Variants in PLCH1 observed in about 807,000 individuals in gnomAD.
The protein encoded by PLCH1 is 1-phosphatidylinositol 4,5-bisphosphate phosphodiesterase eta-1.
A neutral mutation model predicts 126.7 loss-of-function variants in PLCH1; 60 were observed. That is an observed-to-expected ratio of 0.47 (90% CI 0.38 to 0.59). PLCH1 has a LOEUF of 0.59. Among genes scored for constraint, PLCH1 ranks in the 20% least tolerant of loss-of-function variants. PLCH1 has a pLI of 0.00. For missense variants in PLCH1, 1,723 were observed against 2,040.0 expected (o/e 0.84, Z 2.99); for synonymous variants, 719 against 734.9 (o/e 0.98, Z 0.35).
chr3:155,458,645 A>T (rs1712592692), intron 21 of PLCH1, among the ~76,000 whole-genome samples: 1 of 152,182 alleles, frequency 6.6e-6, no homozygotes, highest in African/African-American at 2.4e-5. Context: ...GTAAACTGGA[A>T]ATGTGGACTT....
chr3:155,470,445 T>A (rs1278830701), intron 21 of PLCH1, among the ~76,000 whole-genome samples: 1 of 152,084 alleles, frequency 6.6e-6, no homozygotes, highest in Non-Finnish European at 1.5e-5. Flanking sequence ...CAAATCTACA[T>A]CTGATTGGTG....
intron 12 of PLCH1, among the ~76,000 whole-genome samples, chr3:155,505,091 A>AAG (rs1404028838): frequency 7.9e-5 from 12 of 152,248 alleles, no homozygotes; most frequent in Non-Finnish European, 1.6e-4. Flanking sequence ...ACATTGACTA[A>AAG]ACAGTGCTAT....
intron 21 of PLCH1, among the ~76,000 whole-genome samples, chr3:155,462,190 G>A (rs1712752444): frequency 6.6e-6 from 1 of 152,138 alleles, no homozygotes; most frequent in African/African-American, 2.4e-5. Flanking sequence ...TGAGAGGTTG[G>A]GGTTGTTGCT....
At chr3:155,736,237 C>A (rs1749168381) in intron 1 of PLCH1, among the ~76,000 whole-genome samples, 1 of 152,214 alleles carries the variant, frequency 6.6e-6, no homozygotes, top group Non-Finnish European at 1.5e-5. Context: ...AGTTTATGTT[C>A]TCTCTCTTCC....
intron 2 of PLCH1, among the ~76,000 whole-genome samples, chr3:155,626,768 CAAAAAAAAAAAAAAAAAAAA>C (rs71155058): frequency 2.4e-4 from 12 of 49,652 alleles, no homozygotes; most frequent in East Asian, 5.4e-4. Flanking sequence ...GACTCCGTCT[CAAAAAAAAAAAAAAAAAAAA>C]AAAAAAAAAA....
At chr3:155,469,369 G>A (rs530819621) in intron 21 of PLCH1, among the ~76,000 whole-genome samples, 137 of 152,310 alleles carry the variant, frequency 9.0e-4, no homozygotes, top group African/African-American at 3.2e-3. Flanking sequence ...TTTTCGGACC[G>A]GCCTAAAAAA....
intron 2 of PLCH1, among the ~76,000 whole-genome samples, chr3:155,601,759 C>T (rs1169972976): frequency 1.3e-5 from 2 of 151,920 alleles, no homozygotes; most frequent in African/African-American, 4.8e-5. Flanking sequence ...TTTAAATGTA[C>T]AATTCACTGA....
intron 2 of PLCH1, among the ~76,000 whole-genome samples, chr3:155,659,907 T>A (rs922347078): frequency 6.6e-6 from 1 of 151,996 alleles, no homozygotes; most frequent in Non-Finnish European, 1.5e-5. Context: ...GCATTGGGAT[T>A]ACAAGCATAA....
chr3:155,495,885 T>C (rs1367410899), intron 15 of PLCH1, among the ~76,000 whole-genome samples: 2 of 152,220 alleles, frequency 1.3e-5, no homozygotes, highest in African/African-American at 2.4e-5. Context: ...AGTTTACATA[T>C]CTCAAGCATA....
In PLCH1 at chr3:155,522,323, T is replaced by A. The variant is rs565341522; in HGVS notation, c.1470+1574A>T. On this transcript the variant is annotated intron_variant, in intron 11 of 22. Coordinates refer to ENST00000460012, the MANE Select transcript of PLCH1 (RefSeq NM_014996.4). ...GCAACTATTTAAAATATTAACTGTA[T>A]AATGACACCTCAAGCATAGTTTTCA... Among the ~76,000 whole-genome samples the A allele has an allele frequency of 6.2e-4, 94 of 152,366 alleles. 2 individuals carry two copies. The South Asian group carries it at 0.013, about 21-fold the overall frequency.
intron 6 of PLCH1, among the ~76,000 whole-genome samples, chr3:155,574,283 G>A (rs943762886): frequency 6.6e-6 from 1 of 152,108 alleles, no homozygotes; most frequent in African/African-American, 2.4e-5. Context: ...ACAAGGGTTG[G>A]AGGAGAAAAT....
intron 2 of PLCH1, among the ~76,000 whole-genome samples, chr3:155,616,480 G>C (rs1006574699): frequency 4.6e-5 from 7 of 152,102 alleles, no homozygotes; most frequent in African/African-American, 1.4e-4. Flanking sequence ...GAGTTCTCTT[G>C]GAGCATTGAT....
intron 4 of PLCH1, among the ~76,000 whole-genome samples, chr3:155,587,283 T>G (rs1731499623): frequency 6.6e-6 from 1 of 152,222 alleles, no homozygotes; most frequent in Non-Finnish European, 1.5e-5. Context: ...CTACTATCTT[T>G]TTACCTTCAC....
intron 2 of PLCH1, among the ~76,000 whole-genome samples, chr3:155,643,924 C>T (rs1739702175): frequency 6.6e-6 from 1 of 152,144 alleles, no homozygotes; most frequent in Non-Finnish European, 1.5e-5. Context: ...CCCATCCAAC[C>T]AGTGGCAAGT....
intron 21 of PLCH1, among the ~76,000 whole-genome samples, chr3:155,470,862 A>T (rs1254505577): frequency 6.6e-6 from 1 of 152,164 alleles, no homozygotes; most frequent in Admixed American, 6.5e-5. Context: ...AATAATTTAC[A>T]AACAAGCAAA....
intron 2 of PLCH1, among the ~76,000 whole-genome samples, chr3:155,603,735 G>T (rs1189538406): frequency 6.6e-6 from 1 of 152,064 alleles, no homozygotes; most frequent in Non-Finnish European, 1.5e-5. Context: ...TAATTTTAAA[G>T]AAAGAAACTG....
chr3:155,671,216 C>T (rs1743405361), intron 2 of PLCH1, among the ~76,000 whole-genome samples: 2 of 152,148 alleles, frequency 1.3e-5, no homozygotes, highest in Admixed American at 6.5e-5. Context: ...CCTCAGATTC[C>T]TTGCCTCTAA....
intron 12 of PLCH1, among the ~76,000 whole-genome samples, chr3:155,513,833 G>T (rs1719940427): frequency 6.6e-6 from 1 of 152,128 alleles, no homozygotes; most frequent in Non-Finnish European, 1.5e-5. Flanking sequence ...CTATACTCTG[G>T]CCAAGTACTG....
chr3:155,615,579 T>C (rs4680201), intron 2 of PLCH1, among the ~76,000 whole-genome samples: 74,504 of 151,942 alleles, frequency 0.49, 20,595 homozygotes, highest in African/African-American at 0.74. Flanking sequence ...TGTAATACTG[T>C]CCAGTCATAA....
Sources: gnomAD v4.1 joint callset for allele counts (sites outside exome capture counted in the v4.1 genomes callset) on GRCh38, gnomAD v4.1.1 for gene constraint, MANE v1.5 for transcripts, NCBI Gene and HGNC (gene_info 2026-07-23, HGNC 2026-07-21) for gene names.